The following ARHGAP28 variants were observed in gnomAD, a reference collection of about 807,000 sequenced individuals.
ARHGAP28 encodes rho GTPase-activating protein 28.
ARHGAP28 carries 56 observed loss-of-function variants against 90.7 expected under a neutral mutation model. The observed-to-expected ratio is 0.62, with a 90% CI of 0.50 to 0.77. The LOEUF (loss-of-function observed/expected upper bound fraction) is 0.77, where lower values mean the gene tolerates loss of function less well. Ranked by LOEUF, ARHGAP28 falls within the 30% of genes least tolerant of loss-of-function variation. The pLI is 0.00. For missense variants in ARHGAP28, 869 were observed against 900.9 expected (o/e 0.96, Z 0.45); for synonymous variants, 308 against 323.3 (o/e 0.95, Z 0.51).
chr18:6,775,121 C>G (rs1418450738), intron 1 of ARHGAP28, among the ~76,000 whole-genome samples: 1 of 152,196 alleles, frequency 6.6e-6, no homozygotes, highest in African/African-American at 2.4e-5. Flanking sequence ...GTCATACATA[C>G]AGCTACCTTG....
intron 1 of ARHGAP28, among the ~76,000 whole-genome samples, chr18:6,810,883 AGTCT>A (rs2056551295): frequency 6.6e-6 from 1 of 152,094 alleles, no homozygotes; most frequent in African/African-American, 2.4e-5. Context: ...TGTTTCTCAA[AGTCT>A]GTCTAACAAA....
At chr18:6,799,741 A>ACCTAAAACCATAAAAAC (rs1197567621) in intron 1 of ARHGAP28, among the ~76,000 whole-genome samples, 5 of 152,358 alleles carry the variant, frequency 3.3e-5, no homozygotes, top group Non-Finnish European at 7.3e-5. Context: ...TAAACGTAAG[A>ACCTAAAACCATAAAAAC]CCTAAAACCA....
rs142686893 is a variant in ARHGAP28, at chr18:6,763,241, C to G, written c.122+33298C>G. On this transcript the variant is annotated intron_variant, in intron 1 of 17. Transcript: ENST00000383472. ...GGGACTACAGGCATGCACCACCGTG[C>G]CTGCCTAATTTTGGTATTTTTAGTA... Among the ~76,000 whole-genome samples the G allele has an allele frequency of 5.3e-4, 81 of 152,170 alleles. 1 individual carries two copies. Among genetic ancestry groups the G allele is most frequent in the African/African-American group, 1.9e-3 (77 of 41,532 alleles).
At chr18:6,900,272 A>G (rs954704032) in intron 16 of ARHGAP28, among the ~76,000 whole-genome samples, 3 of 141,276 alleles carry the variant, frequency 2.1e-5, no homozygotes, top group African/African-American at 8.0e-5. Flanking sequence ...ATACAACCCA[A>G]AATCACTCAT....
intron 2 of ARHGAP28, among the ~76,000 whole-genome samples, chr18:6,830,305 A>G (rs2056705217): frequency 6.6e-6 from 1 of 151,872 alleles, no homozygotes; most frequent in Non-Finnish European, 1.5e-5. Context: ...TTTCTTTACA[A>G]TGTTATAATG....
Position 6,783,364 on chromosome 18 carries a change from C to T in ARHGAP28, c.123-41398C>T, listed in dbSNP as rs144168052. 3.0e-3 allele frequency among the ~76,000 whole-genome samples: 457 copies of T among 151,076 alleles called. 16 individuals carry two copies. The highest frequency in any genetic ancestry group is 0.028 in the Admixed American group (421 of 15,166). On this transcript the variant is annotated intron_variant, in intron 1 of 17. Transcript: ENST00000383472. ...TTACCAAGGCTGGAGTGCAATGGCGCGATCTCAGCTCACTGCAACCTCTGC... is the reference window on the plus strand; with the variant it reads ...TTACCAAGGCTGGAGTGCAATGGCGTGATCTCAGCTCACTGCAACCTCTGC...
At chr18:6,833,854 A>T (rs1340719606) in intron 2 of ARHGAP28, among the ~76,000 whole-genome samples, 2 of 151,792 alleles carry the variant, frequency 1.3e-5, no homozygotes, top group African/African-American at 4.8e-5. Context: ...ATCAGAATGG[A>T]CTCCTGGTTT....
intron 1 of ARHGAP28, among the ~76,000 whole-genome samples, chr18:6,773,729 CT>C (rs2056261683): frequency 6.6e-6 from 1 of 152,062 alleles, no homozygotes; most frequent in Non-Finnish European, 1.5e-5. Context: ...AATAGGAAAA[CT>C]TTTTGCAATC....
chr18:6,873,655 T>C, intron 8 of ARHGAP28, 29 bp from the exon 9 acceptor site: 1 of 1,607,934 alleles, frequency 6.2e-7, no homozygotes, highest in Non-Finnish European at 8.5e-7. Flanking sequence ...TTCTTTTTTT[T>C]TTTCCCCCTT....
intron 2 of ARHGAP28, among the ~76,000 whole-genome samples, chr18:6,832,939 A>G (rs1357150108): frequency 3.3e-5 from 5 of 152,030 alleles, no homozygotes; most frequent in Non-Finnish European, 7.4e-5. Context: ...TTCATTCACT[A>G]TATCAAATAT....
intron 6 of ARHGAP28, among the ~76,000 whole-genome samples, chr18:6,869,250 ATTCTTTTT>A (rs1488470038): frequency 2.9e-5 from 3 of 103,812 alleles, no homozygotes; most frequent in Non-Finnish European, 4.0e-5. Flanking sequence ...TCCTTTTGCC[ATTCTTTTT>A]TTTTTTTTTT....
chr18:6,773,840 A>C (rs1471848755), intron 1 of ARHGAP28, among the ~76,000 whole-genome samples: 1 of 152,124 alleles, frequency 6.6e-6, no homozygotes, highest in Admixed American at 6.5e-5. Context: ...GTCCTCACAC[A>C]CTGCTTGGGT....
rs771762822 is a variant in ARHGAP28 at position 6,868,173 on chromosome 18, T to C, written c.750T>C (p.Val250=). The C allele has an allele frequency of 1.9e-6, 3 of 1,614,142 alleles. No homozygotes were observed. Among genetic ancestry groups the C allele is most frequent in the Non-Finnish European group, 8.5e-7 (1 of 1,180,002 alleles). The change falls in exon 6 of 18, where the codon GTT becomes GTC. Residue 250 remains valine (V), a synonymous_variant. Coordinates refer to ENST00000383472, the MANE Select transcript of ARHGAP28 (RefSeq NM_001366230.1). ...DSVAILETIP[V]LPVHSNGSPE... is the part of the protein sequence containing the mutation. ...AGGCTATACTTGAGACCATTCCAGT[T>C]CTACCAGTTCATTCCAATGGATCAC...
intron 16 of ARHGAP28, among the ~76,000 whole-genome samples, chr18:6,899,889 C>T (rs1460402976): frequency 6.6e-6 from 1 of 152,130 alleles, no homozygotes; most frequent in Non-Finnish European, 1.5e-5. Flanking sequence ...GAGCCTCCAC[C>T]TGACACCTGG....
At chr18:6,891,433 T>C (rs2057264379) in intron 14 of ARHGAP28, among the ~76,000 whole-genome samples, 1 of 151,912 alleles carries the variant, frequency 6.6e-6, no homozygotes, top group African/African-American at 2.4e-5. Context: ...CCTGCCTAAT[T>C]TTTGTATTTT....
chr18:6,873,494 C>T lies in ARHGAP28; in HGVS notation c.1040C>T (p.Ser347Phe), dbSNP rs774706809. The T allele has an allele frequency of 6.2e-7, 1 of 1,614,160 alleles. No individual in the cohort carries two copies. The highest frequency in any genetic ancestry group is 8.5e-7 in the Non-Finnish European group (1 of 1,180,018). ...GACATGAAGAAAATCCGCCATCTCT[C>T]TCTGATTGAATTGACTGCCTTTTTT... ...AEDMKKIRHL[S>F]LIELTAFFDA... The change falls in exon 8 of 18, where the codon TCT (serine) becomes TTT (phenylalanine). Residue 347 changes from serine (S) to phenylalanine (F), a missense_variant. Transcript: ENST00000383472.
chr18:6,887,878 G>A (rs1273681867), intron 12 of ARHGAP28, among the ~76,000 whole-genome samples: 1 of 152,204 alleles, frequency 6.6e-6, no homozygotes, highest in Non-Finnish European at 1.5e-5. Flanking sequence ...AGACCATTAT[G>A]TAACTTGTAA....
intron 1 of ARHGAP28, among the ~76,000 whole-genome samples, chr18:6,780,337 A>C (rs2056314456): frequency 6.6e-6 from 1 of 152,240 alleles, no homozygotes; most frequent in Non-Finnish European, 1.5e-5. Context: ...ACAATTAAAA[A>C]TACAAATTAA....
intron 1 of ARHGAP28, among the ~76,000 whole-genome samples, chr18:6,738,538 A>C (rs995565504): frequency 6.6e-6 from 1 of 152,206 alleles, no homozygotes; most frequent in Non-Finnish European, 1.5e-5. Flanking sequence ...ACAAAGGCCC[A>C]TCAATTATTT....
Sources: allele counts gnomAD v4.1 joint callset (sites outside exome capture counted in the v4.1 genomes callset), GRCh38; gene constraint gnomAD v4.1.1; transcripts MANE v1.5; gene names NCBI Gene and HGNC (gene_info 2026-07-23, HGNC 2026-07-21).